The following ALDH16A1 variants were observed in gnomAD, a reference collection of about 807,000 sequenced individuals.
ALDH16A1 encodes the protein aldehyde dehydrogenase family 16 member A1.
ALDH16A1 carries 88 observed loss-of-function variants against 96.1 expected under a neutral mutation model. The ratio of observed to expected loss-of-function variants is 0.92; its 90% CI spans 0.77 to 1.09. The LOEUF (loss-of-function observed/expected upper bound fraction) is 1.09, where lower values mean the gene tolerates loss of function less well. Among genes scored for constraint, ALDH16A1 ranks in the 50% least tolerant of loss-of-function variants. The pLI is 0.00. For missense variants in ALDH16A1, 1,250 were observed against 1,112.6 expected (o/e 1.12, Z -1.76); for synonymous variants, 522 against 496.4 (o/e 1.05, Z -0.69).
chr19:49,457,329 C>T (rs1376228310), intron 1 of ALDH16A1, among the ~76,000 whole-genome samples: 20 of 151,726 alleles, frequency 1.3e-4, no homozygotes, highest in Non-Finnish European at 2.1e-4. Flanking sequence ...GGGCGGATCA[C>T]GAGGTCAGGA....
Position 49,468,681 on chromosome 19 carries a change from GC to G in ALDH16A1, c.2124+120del. 2 of 1,410,128 alleles carry G rather than the reference GC, an allele frequency of 1.4e-6. No homozygotes were observed. Among genetic ancestry groups the G allele is most frequent in the Non-Finnish European group, 1.9e-6 (2 of 1,042,000 alleles). 87.4% of individuals were successfully genotyped at this position (1,410,128 alleles called of 1,614,324 possible). ...CCCCACCCTCCGTGGTACCCATGCT[GC>G]CCCCAGCCCCAGCACCCAAACCTTC... On this transcript the variant is annotated intron_variant, in intron 15 of 16. Coordinates refer to ENST00000293350, the MANE Select transcript of ALDH16A1 (RefSeq NM_153329.4). The surrounding 1 kb of genome is among the most constrained non-coding windows in gnomAD (Gnocchi z 4.4).
Position 49,463,995 on chromosome 19 carries a change from G to A in ALDH16A1, c.1194+46G>A, listed in dbSNP as rs76274328. 58 of 1,585,962 alleles carry A rather than the reference G, an allele frequency of 3.7e-5. No individual in the cohort carries two copies. The African/African-American group carries it at 7.1e-4, about 19-fold the overall frequency. On this transcript the variant is annotated intron_variant, in intron 9 of 16. Coordinates refer to ENST00000293350, the MANE Select transcript of ALDH16A1 (RefSeq NM_153329.4). ...GAGCTCCTACCCACCGCCAGCCAAG[G>A]GCAGCAGCTCTGTGCCTGGGGAAGC...
In ALDH16A1 at chr19:49,461,128, T is replaced by C. The variant is rs562021669; in HGVS notation, c.577+229T>C. On this transcript the variant is annotated intron_variant, in intron 5 of 16. Coordinates refer to ENST00000293350, the MANE Select transcript of ALDH16A1 (RefSeq NM_153329.4). ...GAGCTGGAGTCTGGACTCCTGAGTCTGAGGGAGGAGGGGCTGGAGTCTGGA... is the reference window on the plus strand; with the variant it reads ...GAGCTGGAGTCTGGACTCCTGAGTCCGAGGGAGGAGGGGCTGGAGTCTGGA... Among the ~76,000 whole-genome samples the C allele has an allele frequency of 1.0e-3, 145 of 139,188 alleles. 2 individuals are homozygous for C. The highest frequency in any genetic ancestry group is 3.7e-3 in the African/African-American group (131 of 35,544). The allele number at this position is 139,188 out of a possible 152,430, so 91.3% of individuals were successfully genotyped here. A position where few individuals can be genotyped will look rare whatever the true frequency, so the allele number is the denominator to read the frequency against.
Position 49,468,466 on chromosome 19 carries a change from T to C in ALDH16A1, c.2024T>C (p.Leu675Pro). 1 of 1,602,500 alleles carries C rather than the reference T, an allele frequency of 6.2e-7. No homozygotes were observed. Among genetic ancestry groups the C allele is most frequent in the Non-Finnish European group, 8.5e-7 (1 of 1,179,894 alleles). The part of the protein sequence containing the change: ...AVVCPDEWPL[L>P]AFVSLLAPAL... The stretch of plus-strand genomic sequence containing the variant: ...GTGTGTCCGGACGAGTGGCCCCTGC[T>C]TGCCTTCGTGTCCCTGCTGGCTCCC... Residue 675 changes from leucine (L) to proline (P), a missense_variant, in exon 15 of 17, where the codon CTT (leucine) becomes CCT (proline). Transcript: ENST00000293350. The surrounding 1 kb of genome is among the most constrained non-coding windows in gnomAD (Gnocchi z 4.4).
intron 4 of ALDH16A1, 128 bp from the exon 5 acceptor site, chr19:49,460,694 G>T (rs529386987): frequency 1.3e-6 from 1 of 790,278 alleles, no homozygotes; most frequent in East Asian, 2.7e-5. Context: ...GATTACAGGC[G>T]TGAGCCACCA....
chr19:49,460,745 G>C, intron 4 of ALDH16A1, 77 bp from the exon 5 acceptor site: 2 of 1,243,590 alleles, frequency 1.6e-6, no homozygotes, highest in Non-Finnish European at 1.2e-6. Context: ...TGTAGCCATG[G>C]GGTCTTGCCA....
chr19:49,462,081 G>T, intron 7 of ALDH16A1, 45 bp downstream of exon 7: 1 of 1,494,762 alleles, frequency 6.7e-7, no homozygotes, highest in South Asian at 1.3e-5. Flanking sequence ...GGAGGCCGTT[G>T]GTGTCTGTCT....
In ALDH16A1 at chr19:49,463,902, A is replaced by G. The variant is rs759942654; in HGVS notation, c.1147A>G (p.Thr383Ala). 6 of 1,613,396 alleles carry G rather than the reference A, an allele frequency of 3.7e-6. No homozygotes were observed. The highest frequency in any genetic ancestry group is 4.5e-5 in the East Asian group (2 of 44,864). Residue 383 changes from threonine (T) to alanine (A), a missense_variant, in exon 9 of 17, where the codon ACC becomes GCC. Coordinates refer to ENST00000293350, the MANE Select transcript of ALDH16A1 (RefSeq NM_153329.4). ...TTCGGAACGCCCATTCTATCCCCCA[A>G]CCTTGGTCTCCAACCTGCCCCCAGC... is the stretch of plus-strand genomic sequence containing the variant. ...VPSERPFYPPTLVSNLPPASP... is the reference protein window; with the variant it reads ...VPSERPFYPPALVSNLPPASP...
Position 49,453,278 on chromosome 19 carries a change from TC to T in ALDH16A1, c.-50del. The stretch of plus-strand genomic sequence containing the variant: ...GGTGTCGCTCTTCGGACCTCAAGGT[TC>T]CCCTTAACACAGAGCGCCCCGCAGT... On this transcript the variant is annotated 5_prime_UTR_variant, in exon 1 of 17. Coordinates refer to ENST00000293350, the MANE Select transcript of ALDH16A1 (RefSeq NM_153329.4). 1 of 1,460,642 alleles carries T rather than the reference TC, an allele frequency of 6.8e-7. No homozygotes were observed. Among genetic ancestry groups the T allele is most frequent in the Non-Finnish European group, 9.2e-7 (1 of 1,089,688 alleles). The allele number at this position is 1,460,642 out of a possible 1,614,324, so 90.5% of individuals were successfully genotyped here.
chr19:49,466,050 GCCAACC>G (rs2079195158), intron 13 of ALDH16A1, 26 bp from the exon 14 acceptor site: 1 of 1,539,570 alleles, frequency 6.5e-7, no homozygotes. Flanking sequence ...AGACCAGGAT[GCCAACC>G]CCCACTGTGC....
rs147032077 is a variant in ALDH16A1 at position 49,470,375 on chromosome 19, C to T, written c.2317C>T (p.Arg773Trp). 2.7e-5 allele frequency: 44 copies of T among 1,612,830 alleles called. 1 individual carries two copies. The Admixed American group carries it at 3.3e-4, about 12-fold the overall frequency. The change falls in exon 17 of 17, where the codon CGG (arginine) becomes TGG (tryptophan). Residue 773 changes from arginine to tryptophan, a missense_variant. Coordinates refer to ENST00000293350, the MANE Select transcript of ALDH16A1 (RefSeq NM_153329.4). Reference sequence around the variant, plus strand: ...GGTGTGGGCGAGCAGGGGCTGCCCGCGGGCCTGGGACCAGGAGGCCGAGGG... The same window carrying T: ...GGTGTGGGCGAGCAGGGGCTGCCCGTGGGCCTGGGACCAGGAGGCCGAGGG... ...KPVWASRGCP[R>W]AWDQEAEGAG...
In ALDH16A1 at chr19:49,468,733, C is replaced by A; in HGVS notation, c.2125-131C>A. On this transcript the variant is annotated intron_variant, in intron 15 of 16. Coordinates refer to ENST00000293350, the MANE Select transcript of ALDH16A1 (RefSeq NM_153329.4). This position sits in a 1 kb window ranked among gnomAD's most constrained non-coding sequence, Gnocchi z 4.4. ...ACTCCTTGGGGACCCAGTGCCCATT[C>A]TTCACCCTAGGCCTGGGGCTTTCTC... 8 of 1,372,028 alleles carry A rather than the reference C, an allele frequency of 5.8e-6. No individual in the cohort carries two copies. The highest frequency in any genetic ancestry group is 8.0e-6 in the Non-Finnish European group (8 of 1,006,256). 85.0% of individuals were successfully genotyped at this position (1,372,028 alleles called of 1,614,324 possible).
chr19:49,464,739 G>A lies in ALDH16A1; in HGVS notation c.1545G>A (p.Pro515=), dbSNP rs10421522. 6.1e-3 allele frequency: 9,803 copies of A among 1,614,024 alleles called. 485 individuals are homozygous for A. The African/African-American group carries it at 0.11, about 18-fold the overall frequency. Residue 515 remains proline (P), a synonymous_variant, in exon 12 of 17, where the codon CCG becomes CCA. Transcript: ENST00000293350. ...GCCTCGCTGTTCCCTCAACCCTGCCGGCTGGGCCTGAAATAGGGCCCAGGT... is the reference window on the plus strand; with the variant it reads ...GCCTCGCTGTTCCCTCAACCCTGCCAGCTGGGCCTGAAATAGGGCCCAGGT... ...TFGLAVPSTL[P]AGPEIGPSPA...
At position 49,468,821 on chromosome 19, in the gene ALDH16A1, GC is replaced by G; in HGVS notation, c.2125-38del. The G allele has an allele frequency of 1.3e-6, 2 of 1,591,162 alleles. No individual in the cohort carries two copies. The highest frequency in any genetic ancestry group is 8.6e-7 in the Non-Finnish European group (1 of 1,167,012). ...CCCCTGAATGCCCACTCCTTGCCCT[GC>G]CCCCACGGCCTCCCCAACCTTTCAC... On this transcript the variant is annotated intron_variant, in intron 15 of 16. Coordinates refer to ENST00000293350, the MANE Select transcript of ALDH16A1 (RefSeq NM_153329.4). This position sits in a 1 kb window ranked among gnomAD's most constrained non-coding sequence, Gnocchi z 4.4.
Position 49,459,266 on chromosome 19 carries a change from G to A in ALDH16A1, c.320+180G>A, listed in dbSNP as rs961299036. ...ATGCATCCGTTGTCCACTATTCACT[G>A]GGACTAGAAGCCACAAAGCCTCTAT... On this transcript the variant is annotated intron_variant, in intron 3 of 16. Transcript: ENST00000293350. The surrounding 1 kb of genome is among the most constrained non-coding windows in gnomAD (Gnocchi z 4.1). Among the ~76,000 whole-genome samples the A allele has an allele frequency of 6.6e-6, 1 of 152,210 alleles. No individual in the cohort carries two copies. Among genetic ancestry groups the A allele is most frequent in the African/African-American group, 2.4e-5 (1 of 41,450 alleles).
In ALDH16A1 at chr19:49,461,503, T is replaced by TG. The variant is rs1245562539; in HGVS notation, c.578-114dup. 148 of 266,162 alleles carry TG rather than the reference T, an allele frequency of 5.6e-4. 55 individuals are homozygous for TG. Among genetic ancestry groups the TG allele is most frequent in the South Asian group, 4.5e-3 (138 of 30,678 alleles). 16.5% of individuals were successfully genotyped at this position (266,162 alleles called of 1,614,324 possible). A position where few individuals can be genotyped will look rare whatever the true frequency, so the allele number is the denominator to read the frequency against. On this transcript the variant is annotated intron_variant, in intron 5 of 16. Coordinates refer to ENST00000293350, the MANE Select transcript of ALDH16A1 (RefSeq NM_153329.4). ...CTCCTGAGTCTGAGGGAGGAGGGGCTGGAGTCTGGACTCCTGGGTCTGAGG... is the reference window on the plus strand; with the variant it reads ...CTCCTGAGTCTGAGGGAGGAGGGGCTGGGAGTCTGGACTCCTGGGTCTGAGG...
At position 49,453,264 on chromosome 19, in the gene ALDH16A1, T is replaced by A; in HGVS notation, c.-68T>A. ...GGGCTGGAACCGGAGGTGTCGCTCT[T>A]CGGACCTCAAGGTTCCCCTTAACAC... On this transcript the variant is annotated 5_prime_UTR_variant, in exon 1 of 17. Transcript: ENST00000293350. The A allele has an allele frequency of 7.1e-7, 1 of 1,410,248 alleles. No individual in the cohort carries two copies. The highest frequency in any genetic ancestry group is 9.5e-7 in the Non-Finnish European group (1 of 1,050,522). The allele number at this position is 1,410,248 out of a possible 1,614,324, so 87.4% of individuals were successfully genotyped here.
intron 1 of ALDH16A1, among the ~76,000 whole-genome samples, chr19:49,458,091 C>T (rs536034269): frequency 6.6e-6 from 1 of 152,112 alleles, no homozygotes; most frequent in African/African-American, 2.4e-5. Flanking sequence ...TGGTGGCGGG[C>T]GCCTGTAGTC....
chr19:49,459,524 A>T lies in ALDH16A1; in HGVS notation c.321-146A>T. On this transcript the variant is annotated intron_variant, in intron 3 of 16. Coordinates refer to ENST00000293350, the MANE Select transcript of ALDH16A1 (RefSeq NM_153329.4). The surrounding 1 kb of genome is among the most constrained non-coding windows in gnomAD (Gnocchi z 4.1). ...GTGTTTCCATGACTATAATTCTCAT[A>T]AATCTTCACTGCCCTCTGCCCCAGG... The T allele has an allele frequency of 1.1e-6, 1 of 941,114 alleles. No homozygotes were observed. The highest frequency in any genetic ancestry group is 1.5e-6 in the Non-Finnish European group (1 of 662,868). 58.3% of individuals were successfully genotyped at this position (941,114 alleles called of 1,614,324 possible). A position where few individuals can be genotyped will look rare whatever the true frequency, so the allele number is the denominator to read the frequency against.
Sources: allele counts gnomAD v4.1 joint callset (sites outside exome capture counted in the v4.1 genomes callset), GRCh38; gene constraint gnomAD v4.1.1; non-coding constraint Gnocchi (gnomAD v3.1); transcripts MANE v1.5; gene names NCBI Gene and HGNC (gene_info 2026-07-23, HGNC 2026-07-21).